Variants in PRELID3A observed in about 807,000 individuals in gnomAD.
The protein encoded by PRELID3A is PRELI domain containing protein 3A.
PRELID3A carries 27 observed loss-of-function variants against 23.0 expected under a neutral mutation model. The observed-to-expected ratio is 1.17, with a 90% CI of 0.87 to 1.62. The LOEUF is 1.62. Ranked by LOEUF, PRELID3A falls within the 40% of genes most tolerant of loss-of-function variation. The probability of loss-of-function intolerance (pLI) is 0.00; values close to 1 mark genes in which losing one functional copy is unlikely to be tolerated. For synonymous variants in PRELID3A, 87 were observed against 86.4 expected (o/e 1.01, Z -0.04); for missense variants, 231 against 231.4 (o/e 1.00, Z 0.01).
At chr18:12,413,276 A>G (rs758914769) in intron 1 of PRELID3A, among the ~76,000 whole-genome samples, 13 of 152,300 alleles carry the variant, frequency 8.5e-5, no homozygotes, top group Non-Finnish European at 1.6e-4. Context: ...ATGTCTCTAC[A>G]AAAAATAAAT....
intron 3 of PRELID3A, 58 bp from the exon 4 acceptor site, chr18:12,426,983 G>A: frequency 1.5e-6 from 2 of 1,347,342 alleles, no homozygotes; most frequent in Non-Finnish European, 2.1e-6. Flanking sequence ...AGTATGGGCA[G>A]TTGGCTTCAG....
At chr18:12,426,809 A>G (rs2030395023) in intron 3 of PRELID3A, among the ~76,000 whole-genome samples, 1 of 152,208 alleles carries the variant, frequency 6.6e-6, no homozygotes, top group Admixed American at 6.5e-5. Flanking sequence ...CTTGAAGGCC[A>G]GAGCCCTGCT....
chr18:12,407,950 A>G lies in PRELID3A; in HGVS notation c.-26A>G. The G allele has an allele frequency of 1.5e-6, 2 of 1,293,852 alleles. No individual in the cohort carries two copies. Among genetic ancestry groups the G allele is most frequent in the Non-Finnish European group, 9.8e-7 (1 of 1,023,372 alleles). 80.1% of individuals were successfully genotyped at this position (1,293,852 alleles called of 1,614,324 possible). On this transcript the variant is annotated 5_prime_UTR_variant, in exon 1 of 7. Transcript: ENST00000440960. ...GCCCGAAGCACCCGGCCCGGATCGC[A>G]GAGCCCGCGCCCTGCGCCGGCGGCA... is the stretch of plus-strand genomic sequence containing the variant.
At position 12,427,325 on chromosome 18, in the gene PRELID3A, T is replaced by C. The variant is rs1288116332; in HGVS notation, c.465+2T>C. The C allele has an allele frequency of 6.3e-7, 1 of 1,596,004 alleles. No individual in the cohort carries two copies. ...ACGATATCATCCAATGCAAAGAAGG[T>C]ATGTATCTCAATCCTAGGAGTCCTG... On this transcript the variant is annotated splice_donor_variant, in intron 5 of 6. Transcript: ENST00000440960. LOFTEE classifies it high-confidence loss of function.
At chr18:12,408,377 C>T (rs1909796560) in intron 1 of PRELID3A, among the ~76,000 whole-genome samples, 1 of 151,888 alleles carries the variant, frequency 6.6e-6, no homozygotes, top group African/African-American at 2.4e-5. Flanking sequence ...TCGCTGCTCT[C>T]CTTGGGGTCG....
chr18:12,412,035 A>C (rs550611740), intron 1 of PRELID3A, among the ~76,000 whole-genome samples: 212 of 146,026 alleles, frequency 1.5e-3, no homozygotes, highest in Non-Finnish European at 2.6e-3. Context: ...CTCAGCCTCC[A>C]GAGTAGCTGG....
At position 12,420,321 on chromosome 18, in the gene PRELID3A, G is replaced by A; in HGVS notation, c.33-4G>A. 3 of 1,602,894 alleles carry A rather than the reference G, an allele frequency of 1.9e-6. No individual in the cohort carries two copies. Among genetic ancestry groups the A allele is most frequent in the Non-Finnish European group, 1.7e-6 (2 of 1,175,588 alleles). ...GCTCACCGCCGCCTATGCTCTCCCCGCAGCCACCCGTGGGACACGGTCATC... is the reference window on the plus strand; with the variant it reads ...GCTCACCGCCGCCTATGCTCTCCCCACAGCCACCCGTGGGACACGGTCATC... On this transcript the variant is annotated splice_region_variant and splice_polypyrimidine_tract_variant and intron_variant, in intron 1 of 6. Transcript: ENST00000440960.
intron 1 of PRELID3A, chr18:12,419,984 G>A (rs995573622): frequency 7.8e-6 from 3 of 383,484 alleles, no homozygotes; most frequent in Non-Finnish European, 1.3e-5. Flanking sequence ...AGCTACTGGA[G>A]GTGGGGCAAG....
intron 2 of PRELID3A, chr18:12,421,258 G>A (rs2030172513): frequency 2.5e-6 from 1 of 406,038 alleles, no homozygotes; most frequent in South Asian, 3.1e-5. Context: ...GACTCCGCCC[G>A]GCAGAGGGGC....
In PRELID3A at chr18:12,430,074, G is replaced by A. The variant is rs567164705; in HGVS notation, c.*33+638G>A. On this transcript the variant is annotated intron_variant, in intron 6 of 6. Transcript: ENST00000440960. ...TGTGCTGCGCTGCTCTGGGCTGCTC[G>A]TCCCCATCTGTCCCCCGTGTGTGTG... Among the ~76,000 whole-genome samples the A allele has an allele frequency of 7.9e-5, 12 of 152,334 alleles. 1 individual carries two copies. In the East Asian group the frequency reaches 1.5e-3, roughly 20 times the overall value.
intron 5 of PRELID3A, 67 bp downstream of exon 5, chr18:12,427,390 C>A: frequency 1.7e-6 from 2 of 1,193,074 alleles, no homozygotes; most frequent in Admixed American, 1.8e-5. Context: ...AAGAATATGA[C>A]ATTTTTAGTC....
intron 5 of PRELID3A, among the ~76,000 whole-genome samples, chr18:12,428,094 A>G (rs1183865134): frequency 1.3e-5 from 2 of 152,222 alleles, no homozygotes; most frequent in Non-Finnish European, 2.9e-5. Flanking sequence ...TGACGCTTCC[A>G]TGGAGCCTGC....
chr18:12,411,808 G>C (rs961536447), intron 1 of PRELID3A, among the ~76,000 whole-genome samples: 1 of 152,182 alleles, frequency 6.6e-6, no homozygotes, highest in Non-Finnish European at 1.5e-5. Flanking sequence ...GCAGGCAGCC[G>C]TGAGGATCAG....
chr18:12,426,246 AAG>A (rs2030358754), intron 3 of PRELID3A, among the ~76,000 whole-genome samples: 1 of 151,264 alleles, frequency 6.6e-6, no homozygotes, highest in South Asian at 2.1e-4. Context: ...TCAAAAAAAT[AAG>A]AGAGAAAAAG....
chr18:12,409,117 T>A (rs909525263), intron 1 of PRELID3A, among the ~76,000 whole-genome samples: 2 of 151,914 alleles, frequency 1.3e-5, no homozygotes, highest in African/African-American at 4.8e-5. Context: ...TCTTTTTATT[T>A]ATTTTTTTCG....
Position 12,407,970 on chromosome 18 carries a change from G to A in PRELID3A, c.-6G>A, listed in dbSNP as rs868858500. On this transcript the variant is annotated 5_prime_UTR_variant, in exon 1 of 7. Coordinates refer to ENST00000440960, the MANE Select transcript of PRELID3A (RefSeq NM_001142405.2). ...ATCGCAGAGCCCGCGCCCTGCGCCG[G>A]CGGCAATGAAGATCTGGAGCTCGGA... 2 of 1,297,652 alleles carry A rather than the reference G, an allele frequency of 1.5e-6. No individual in the cohort carries two copies. Among genetic ancestry groups the A allele is most frequent in the African/African-American group, 3.1e-5 (2 of 64,636 alleles). 80.4% of individuals were successfully genotyped at this position (1,297,652 alleles called of 1,614,324 possible).
chr18:12,430,676 GTA>G (rs1157028094), intron 6 of PRELID3A, among the ~76,000 whole-genome samples: 6 of 59,002 alleles, frequency 1.0e-4, no homozygotes, highest in Non-Finnish European at 1.9e-4. Context: ...TGTATGATGT[GTA>G]TGTGATTGGT....
intron 3 of PRELID3A, chr18:12,422,486 GTA>G (rs1182422529): frequency 6.6e-6 from 1 of 151,920 alleles, no homozygotes; most frequent in Admixed American, 6.6e-5. Context: ...AGCCTCCTGA[GTA>G]GCTAGGATTA....
At chr18:12,419,972 C>A in intron 1 of PRELID3A, 1 of 324,824 alleles carries the variant, frequency 3.1e-6, no homozygotes, top group Non-Finnish European at 5.4e-6. Context: ...GCCTGTAGTC[C>A]CAGCTACTGG....
Sources: gnomAD v4.1 joint callset for allele counts (sites outside exome capture counted in the v4.1 genomes callset) on GRCh38, gnomAD v4.1.1 for gene constraint, MANE v1.5 for transcripts, NCBI Gene and HGNC (gene_info 2026-07-23, HGNC 2026-07-21) for gene names.